The following LMBR1 variants were observed in gnomAD, a reference collection of about 807,000 sequenced individuals.
The protein encoded by LMBR1 is limb development membrane protein 1.
Under a neutral mutation model 73.9 loss-of-function variants are expected in LMBR1, and 52 were observed. The observed-to-expected ratio is 0.70, with a 90% CI of 0.56 to 0.89. The LOEUF is 0.89. Ranked by LOEUF, LMBR1 falls within the 40% of genes least tolerant of loss-of-function variation. LMBR1 has a pLI of 0.00. For missense variants in LMBR1, 539 were observed against 579.8 expected (o/e 0.93, Z 0.72); for synonymous variants, 215 against 209.4 (o/e 1.03, Z -0.23).
intron 15 of LMBR1, among the ~76,000 whole-genome samples, chr7:156,696,579 G>A (rs966610739): frequency 3.9e-5 from 6 of 152,182 alleles, no homozygotes; most frequent in Non-Finnish European, 5.9e-5. Context: ...TCACATAGCG[G>A]CAGCAAGACA....
At chr7:156,733,550 G>C (rs1817273176) in intron 10 of LMBR1, among the ~76,000 whole-genome samples, 1 of 151,958 alleles carries the variant, frequency 6.6e-6, no homozygotes, top group East Asian at 1.9e-4. Flanking sequence ...AGGCAGATTA[G>C]ACATGCACAA....
chr7:156,824,229 T>C (rs1015320103), intron 4 of LMBR1, among the ~76,000 whole-genome samples: 34 of 152,194 alleles, frequency 2.2e-4, no homozygotes, highest in African/African-American at 8.2e-4. Flanking sequence ...CACACTACTT[T>C]ATGAGCAGAA....
In LMBR1 at chr7:156,683,424, C is replaced by T. The variant is rs950074017; in HGVS notation, c.*654G>A. The T allele has an allele frequency of 2.6e-5, 4 of 152,654 alleles. No homozygotes were observed. The highest frequency in any genetic ancestry group is 9.6e-5 in the African/African-American group (4 of 41,454). 9.5% of individuals were successfully genotyped at this position (152,654 alleles called of 1,614,324 possible). On this transcript the variant is annotated 3_prime_UTR_variant, in exon 17 of 17. Coordinates refer to ENST00000353442, the MANE Select transcript of LMBR1 (RefSeq NM_022458.4). The stretch of plus-strand genomic sequence containing the variant: ...ATTAGACTGTACAACAGAAGATATT[C>T]CTGTGGCTCTCTAAGGCTCCAGGTT...
chr7:156,750,306 G>T (rs972337000), intron 9 of LMBR1, among the ~76,000 whole-genome samples: 1 of 152,024 alleles, frequency 6.6e-6, no homozygotes, highest in East Asian at 1.9e-4. Flanking sequence ...ACGTGTGTGT[G>T]TGTGTGTGTA....
chr7:156,815,179 CA>C, intron 4 of LMBR1, among the ~76,000 whole-genome samples: 1 of 113,350 alleles, frequency 8.8e-6, no homozygotes, highest in South Asian at 2.8e-4. Context: ...AAAAAAAGTA[CA>C]AAAAAACTGA....
At chr7:156,742,562 G>A (rs899556228) in intron 9 of LMBR1, among the ~76,000 whole-genome samples, 2 of 152,040 alleles carry the variant, frequency 1.3e-5, no homozygotes, top group African/African-American at 2.4e-5. Flanking sequence ...ATTGAACCAC[G>A]AAGAAATCTA....
chr7:156,822,574 AG>A (rs1161915424), intron 4 of LMBR1: 1 of 152,220 alleles, frequency 6.6e-6, no homozygotes. Flanking sequence ...GTCATATCTC[AG>A]GGTGGGAAAC....
At chr7:156,728,756 C>T (rs757223635) in intron 10 of LMBR1, 36 bp from the exon 11 acceptor site, 2 of 1,422,420 alleles carry the variant, frequency 1.4e-6, no homozygotes, top group Admixed American at 4.2e-5. Context: ...ACAAAGTTTT[C>T]TCCAAATTAA....
At chr7:156,767,461 A>AG (rs1414081376) in intron 5 of LMBR1, among the ~76,000 whole-genome samples, 2 of 152,144 alleles carry the variant, frequency 1.3e-5, no homozygotes. Flanking sequence ...CATTCAGATG[A>AG]GAAAAAAAGA....
chr7:156,710,108 T>C (rs747795515), intron 15 of LMBR1, among the ~76,000 whole-genome samples: 1 of 151,904 alleles, frequency 6.6e-6, no homozygotes, highest in Non-Finnish European at 1.5e-5. Flanking sequence ...GGTTTCACCA[T>C]GTCAGCCAGG....
In LMBR1 at chr7:156,724,140, A is replaced by G; in HGVS notation, c.1197T>C (p.Ser399=). The G allele has an allele frequency of 1.9e-6, 3 of 1,611,334 alleles. No homozygotes were observed. The highest frequency in any genetic ancestry group is 2.5e-6 in the Non-Finnish European group (3 of 1,178,522). Residue 399 remains serine, a synonymous_variant, in exon 15 of 17, where the codon TCT becomes TCC. Transcript: ENST00000353442. ...GTGTTCTCGACATCACAGGCAGAGC[A>G]GAGCTCAAAACCAAGATGGACACAC... ...GNCVSILVLS[S]ALPVMSRTLG...
intron 10 of LMBR1, among the ~76,000 whole-genome samples, chr7:156,732,240 C>T (rs746480790): frequency 1.3e-5 from 2 of 152,052 alleles, no homozygotes; most frequent in African/African-American, 2.4e-5. Flanking sequence ...GACATCTGAT[C>T]GTGGAAGAAC....
intron 15 of LMBR1, among the ~76,000 whole-genome samples, chr7:156,688,504 A>G (rs374525958): frequency 2.0e-5 from 3 of 152,142 alleles, no homozygotes; most frequent in African/African-American, 7.2e-5. Flanking sequence ...TGCTGCTTAC[A>G]TGGGGAGGAT....
At chr7:156,772,805 G>A (rs1264479572) in intron 5 of LMBR1, among the ~76,000 whole-genome samples, 1 of 151,690 alleles carries the variant, frequency 6.6e-6, no homozygotes, top group Non-Finnish European at 1.5e-5. Flanking sequence ...CCGAGATTGT[G>A]CCACTGCACT....
At chr7:156,800,569 T>A (rs745363336) in intron 4 of LMBR1, among the ~76,000 whole-genome samples, 1 of 149,822 alleles carries the variant, frequency 6.7e-6, no homozygotes, top group Non-Finnish European at 1.5e-5. Flanking sequence ...CTGGTGGAGA[T>A]GTTTAAAAAG....
chr7:156,869,369 C>G (rs766267440), intron 1 of LMBR1, among the ~76,000 whole-genome samples: 2 of 152,116 alleles, frequency 1.3e-5, no homozygotes, highest in Non-Finnish European at 2.9e-5. Flanking sequence ...TATTGCATAA[C>G]TTTTGCTTGG....
At chr7:156,752,318 G>T (rs1055514107) in intron 9 of LMBR1, among the ~76,000 whole-genome samples, 2 of 152,200 alleles carry the variant, frequency 1.3e-5, no homozygotes, top group African/African-American at 2.4e-5. Context: ...TGACCTGGAG[G>T]GGATATGGGG....
intron 4 of LMBR1, among the ~76,000 whole-genome samples, chr7:156,799,288 C>T (rs577955893): frequency 3.9e-5 from 6 of 152,106 alleles, no homozygotes; most frequent in South Asian, 4.1e-4. Flanking sequence ...TACCGTGTGA[C>T]GGTTTGTGAC....
At chr7:156,721,022 A>C (rs11974194) in intron 15 of LMBR1, among the ~76,000 whole-genome samples, 28,044 of 151,986 alleles carry the variant, frequency 0.18, 2,772 homozygotes, top group African/African-American at 0.27. Context: ...ATCTACTTTA[A>C]CTCCTGTAAG....
Sources: allele counts gnomAD v4.1 joint callset (sites outside exome capture counted in the v4.1 genomes callset), GRCh38; gene constraint gnomAD v4.1.1; transcripts MANE v1.5; gene names NCBI Gene and HGNC (gene_info 2026-07-23, HGNC 2026-07-21).